The following ZNF148 variants were observed in gnomAD, a reference collection of about 807,000 sequenced individuals.
ZNF148 encodes zinc finger protein 148.
ZNF148 carries 7 observed loss-of-function variants against 67.7 expected under a neutral mutation model. The observed-to-expected ratio is 0.10, with a 90% CI of 0.06 to 0.19. The LOEUF is 0.19. ZNF148 is among the 10% of genes least tolerant of loss of function. The probability of loss-of-function intolerance (pLI) is 1.00; values close to 1 mark genes in which losing one functional copy is unlikely to be tolerated. For missense variants in ZNF148, 583 were observed against 947.1 expected, an observed-to-expected ratio of 0.62 and a Z score of 5.05; for synonymous variants, 333 against 330.7, an observed-to-expected ratio of 1.01 and a Z score of -0.08.
intron 3 of ZNF148, among the ~76,000 whole-genome samples, chr3:125,315,786 C>T (rs1380829798): frequency 6.6e-6 from 1 of 151,248 alleles, no homozygotes; most frequent in East Asian, 1.9e-4. Context: ...TATTTTGATA[C>T]AAGCACGCAA....
At chr3:125,275,700 C>A (rs1938021521) in intron 7 of ZNF148, among the ~76,000 whole-genome samples, 1 of 152,220 alleles carries the variant, frequency 6.6e-6, no homozygotes, top group Non-Finnish European at 1.5e-5. Flanking sequence ...CCATTATACT[C>A]TGCTTAAATC....
intron 7 of ZNF148, among the ~76,000 whole-genome samples, chr3:125,237,830 A>T (rs1013353957): frequency 6.6e-6 from 1 of 152,202 alleles, no homozygotes; most frequent in Non-Finnish European, 1.5e-5. Context: ...AAGAGCCAAA[A>T]CTATCTTGAA....
At chr3:125,348,645 G>A (rs1204499329) in intron 1 of ZNF148, among the ~76,000 whole-genome samples, 1 of 152,152 alleles carries the variant, frequency 6.6e-6, no homozygotes, top group Admixed American at 6.5e-5. Flanking sequence ...TCATGGATTA[G>A]AAGACTTAAT....
chr3:125,298,215 T>C (rs1939385373), intron 4 of ZNF148, among the ~76,000 whole-genome samples: 1 of 152,296 alleles, frequency 6.6e-6, no homozygotes, highest in Non-Finnish European at 1.5e-5. Context: ...TTGATCTTGA[T>C]AGCAGTTACA....
At chr3:125,307,811 ATTTTT>A (rs34469920) in intron 4 of ZNF148, among the ~76,000 whole-genome samples, 1 of 127,284 alleles carries the variant, frequency 7.9e-6, no homozygotes, top group Non-Finnish European at 1.6e-5. Context: ...TGCCCAGATA[ATTTTT>A]TTTTTTTTTT....
chr3:125,319,806 A>C (rs1183047996), intron 3 of ZNF148, among the ~76,000 whole-genome samples: 1 of 152,208 alleles, frequency 6.6e-6, no homozygotes, highest in Non-Finnish European at 1.5e-5. Flanking sequence ...CTGGGATTTC[A>C]AACCAGACTT....
rs147927313 is a variant in ZNF148 at position 125,288,030 on chromosome 3, G to A, written c.459+73C>T. Reference sequence around the variant, plus strand: ...CTACATCTGCCTTAGGGTCCAGCCAGGTTCTTGCCTATAGAATTAACCAAC... The same window carrying A: ...CTACATCTGCCTTAGGGTCCAGCCAAGTTCTTGCCTATAGAATTAACCAAC... On this transcript the variant is annotated intron_variant, in intron 5 of 8. Transcript: ENST00000360647. 502 of 1,602,736 alleles carry A rather than the reference G, an allele frequency of 3.1e-4. 3 individuals carry two copies. The East Asian group carries it at 8.6e-3, about 27-fold the overall frequency.
chr3:125,268,014 G>A (rs1020374668), intron 7 of ZNF148, among the ~76,000 whole-genome samples: 3 of 151,760 alleles, frequency 2.0e-5, no homozygotes, highest in Non-Finnish European at 4.4e-5. Flanking sequence ...AACCAAGAAG[G>A]TGAAAGATCT....
chr3:125,248,663 A>C (rs755267045), intron 7 of ZNF148, among the ~76,000 whole-genome samples: 1 of 152,208 alleles, frequency 6.6e-6, no homozygotes, highest in Non-Finnish European at 1.5e-5. Context: ...TGCTTTTTTT[A>C]TACTAGCTGC....
intron 5 of ZNF148, among the ~76,000 whole-genome samples, chr3:125,287,202 T>G (rs539905763): frequency 2.0e-5 from 3 of 152,166 alleles, no homozygotes; most frequent in Non-Finnish European, 4.4e-5. Context: ...TACAGTATGA[T>G]CTTTTTAAAA....
intron 7 of ZNF148, among the ~76,000 whole-genome samples, chr3:125,253,799 G>A (rs1367859491): frequency 6.6e-6 from 1 of 152,114 alleles, no homozygotes; most frequent in Non-Finnish European, 1.5e-5. Context: ...TTTAAATACT[G>A]CTGGATCTGA....
chr3:125,250,379 G>A (rs1333866106), intron 7 of ZNF148, among the ~76,000 whole-genome samples: 1 of 152,138 alleles, frequency 6.6e-6, no homozygotes, highest in Admixed American at 6.5e-5. Flanking sequence ...AACCAAGCCT[G>A]GGAATCAACG....
rs907532284 is a variant in ZNF148, at chr3:125,226,913, T to C, written c.*5428A>G. The C allele has an allele frequency of 1.3e-5, 2 of 152,186 alleles. No individual in the cohort carries two copies. Among genetic ancestry groups the C allele is most frequent in the Non-Finnish European group, 2.9e-5 (2 of 68,028 alleles). 9.4% of individuals were successfully genotyped at this position (152,186 alleles called of 1,614,324 possible). On this transcript the variant is annotated 3_prime_UTR_variant, in exon 9 of 9. Coordinates refer to ENST00000360647, the MANE Select transcript of ZNF148 (RefSeq NM_021964.3). Reference sequence around the variant, plus strand: ...AAAATTTCAATGTGATAAGTTTCATTGCAAAGCAACTGTCACCTGAGTAGA... The same window carrying C: ...AAAATTTCAATGTGATAAGTTTCATCGCAAAGCAACTGTCACCTGAGTAGA...
chr3:125,267,679 G>T (rs1336571331), intron 7 of ZNF148, among the ~76,000 whole-genome samples: 5 of 152,148 alleles, frequency 3.3e-5, no homozygotes, highest in African/African-American at 9.7e-5. Flanking sequence ...AGACAAGGAC[G>T]CCTATTCTCA....
intron 4 of ZNF148, among the ~76,000 whole-genome samples, chr3:125,304,562 T>C (rs753184597): frequency 2.0e-5 from 3 of 152,092 alleles, no homozygotes; most frequent in Non-Finnish European, 2.9e-5. Flanking sequence ...AATAAGAAAA[T>C]AAGTAAATAT....
chr3:125,268,066 A>T (rs1390685856), intron 7 of ZNF148, among the ~76,000 whole-genome samples: 1 of 152,196 alleles, frequency 6.6e-6, no homozygotes, highest in South Asian at 2.1e-4. Flanking sequence ...GAAATCACAG[A>T]TGACATAAAC....
rs551041196 is a variant in ZNF148, at chr3:125,263,033, C to A, written c.667+14693G>T. ...TTCGCTGTAACACAACTTAGCAGAT[C>A]CACTTCAGTTTATATTAAAATGTTT... On this transcript the variant is annotated intron_variant, in intron 7 of 8. Transcript: ENST00000360647. 2.0e-5 allele frequency among the ~76,000 whole-genome samples: 3 copies of A among 152,288 alleles called. No individual in the cohort carries two copies. The South Asian group carries it at 6.2e-4, about 32-fold the overall frequency.
At chr3:125,302,088 C>T (rs1281871215) in intron 4 of ZNF148, among the ~76,000 whole-genome samples, 1 of 146,360 alleles carries the variant, frequency 6.8e-6, no homozygotes, top group Non-Finnish European at 1.5e-5. Context: ...AATAAAAGTA[C>T]ATTCATGGCC....
At chr3:125,363,048 T>A (rs2107785518) in intron 1 of ZNF148, among the ~76,000 whole-genome samples, 1 of 152,266 alleles carries the variant, frequency 6.6e-6, no homozygotes, top group East Asian at 1.9e-4. Flanking sequence ...GAGGGTCTCA[T>A]CCCTCACCAC....
Sources: allele counts gnomAD v4.1 joint callset (sites outside exome capture counted in the v4.1 genomes callset), GRCh38; gene constraint gnomAD v4.1.1; transcripts MANE v1.5; gene names NCBI Gene and HGNC (gene_info 2026-07-23, HGNC 2026-07-21).